The following LCOR variants were observed in gnomAD, a reference collection of about 807,000 sequenced individuals.
LCOR encodes ligand-dependent corepressor.
A neutral mutation model predicts 64.4 loss-of-function variants in LCOR; 14 were observed. That is an observed-to-expected ratio of 0.22 (90% CI 0.14 to 0.34). The LOEUF (loss-of-function observed/expected upper bound fraction) is 0.34, where lower values mean the gene tolerates loss of function less well. Among genes scored for constraint, LCOR ranks in the 10% least tolerant of loss-of-function variants. LCOR has a pLI of 1.00. For missense variants in LCOR, 1,686 were observed against 1,765.3 expected, an observed-to-expected ratio of 0.96 and a Z score of 0.80; for synonymous variants, 643 against 642.5, an observed-to-expected ratio of 1.00 and a Z score of -0.01.
At chr10:96,897,824 T>C (rs191215798) in intron 2 of LCOR, among the ~76,000 whole-genome samples, 68 of 152,056 alleles carry the variant, frequency 4.5e-4, no homozygotes, top group African/African-American at 1.6e-3. Context: ...GGTTTTAGTC[T>C]ATAGATACAG....
intron 2 of LCOR, among the ~76,000 whole-genome samples, chr10:96,897,066 AG>A (rs1358151373): frequency 1.9e-4 from 28 of 148,446 alleles, no homozygotes; most frequent in African/African-American, 5.8e-4. Context: ...AGAGAGAGAG[AG>A]AGAGAGAAAG....
At chr10:96,894,404 T>TGA (rs1344429171) in intron 2 of LCOR, among the ~76,000 whole-genome samples, 1 of 151,962 alleles carries the variant, frequency 6.6e-6, no homozygotes, top group Non-Finnish European at 1.5e-5. Flanking sequence ...AGGAGCAAGG[T>TGA]GAAGAGAGGG....
chr10:96,956,863 T>C, intron 7 of LCOR: 2 of 985,014 alleles, frequency 2.0e-6, no homozygotes, highest in Non-Finnish European at 2.4e-6. Flanking sequence ...TGAATATCAT[T>C]GCAGCAACTA....
chr10:96,857,564 C>T (rs1845826255), intron 2 of LCOR, among the ~76,000 whole-genome samples: 1 of 152,138 alleles, frequency 6.6e-6, no homozygotes, highest in Non-Finnish European at 1.5e-5. Context: ...ATGATCTTGT[C>T]ACCTGCAGAA....
Position 96,982,115 on chromosome 10 carries a change from G to C in LCOR, c.1655G>C (p.Arg552Thr), listed in dbSNP as rs1184202098. 1 of 1,614,018 alleles carries C rather than the reference G, an allele frequency of 6.2e-7. No individual in the cohort carries two copies. The highest frequency in any genetic ancestry group is 8.5e-7 in the Non-Finnish European group (1 of 1,180,034). ...PKQTLTIPAP[R>T]HTVDVQLPRE... Reference sequence around the variant, plus strand: ...CAGACCCTTACAATTCCAGCCCCTAGACATACAGTAGATGTGCAGCTTCCC... The same window carrying C: ...CAGACCCTTACAATTCCAGCCCCTACACATACAGTAGATGTGCAGCTTCCC... The change falls in exon 8 of 8, where the codon AGA becomes ACA. Residue 552 changes from arginine (R) to threonine (T), a missense_variant. Coordinates refer to ENST00000421806, the MANE Select transcript of LCOR (RefSeq NM_001346516.2).
rs371440193 is a variant in LCOR, at chr10:96,885,117, T to C, written c.-329-22148T>C. Among the ~76,000 whole-genome samples, 166 of 152,360 alleles carry C rather than the reference T, an allele frequency of 1.1e-3. 3 individuals carry two copies. In the South Asian group the frequency reaches 0.033, roughly 30 times the overall value. ...TGGAAGTTTCCTGTAAATCTATTTA[T>C]AGACCTTTTGGGAAAATGCCATTAA... On this transcript the variant is annotated intron_variant, in intron 2 of 7. Transcript: ENST00000421806.
chr10:96,888,463 G>A (rs374725385), intron 2 of LCOR, among the ~76,000 whole-genome samples: 2 of 150,924 alleles, frequency 1.3e-5, no homozygotes, highest in Non-Finnish European at 2.9e-5. Context: ...CCACTACTGC[G>A]GGCATGAGAA....
intron 4 of LCOR, among the ~76,000 whole-genome samples, chr10:96,937,134 A>C (rs1464913017): frequency 6.6e-6 from 1 of 152,208 alleles, no homozygotes; most frequent in Non-Finnish European, 1.5e-5. Flanking sequence ...CCTTATAAGG[A>C]GAAAGAGACT....
intron 4 of LCOR, among the ~76,000 whole-genome samples, chr10:96,920,669 T>C (rs1455069141): frequency 1.5e-5 from 2 of 137,154 alleles, no homozygotes; most frequent in African/African-American, 6.4e-5. Context: ...TATGTATATA[T>C]GTATATATTC....
chr10:96,944,670 G>A (rs1201837589), intron 5 of LCOR, among the ~76,000 whole-genome samples: 1 of 150,508 alleles, frequency 6.6e-6, no homozygotes, highest in African/African-American at 2.4e-5. Flanking sequence ...AGATTTGTAA[G>A]CATTTTTTTC....
intron 2 of LCOR, among the ~76,000 whole-genome samples, chr10:96,841,568 C>G (rs948707077): frequency 1.3e-5 from 2 of 151,906 alleles, no homozygotes; most frequent in Non-Finnish European, 2.9e-5. Flanking sequence ...ACCATGTTGG[C>G]CAGGCTGGTC....
chr10:96,957,937 C>T (rs189140267), intron 7 of LCOR: 22 of 986,456 alleles, frequency 2.2e-5, no homozygotes, highest in Non-Finnish European at 2.3e-5. Context: ...TATGATTCTA[C>T]AATATTTTGT....
At chr10:96,879,075 C>G (rs1400848832) in intron 2 of LCOR, among the ~76,000 whole-genome samples, 2 of 152,176 alleles carry the variant, frequency 1.3e-5, no homozygotes, top group Non-Finnish European at 2.9e-5. Context: ...GGATTACAGT[C>G]TTGAGCCACC....
At chr10:96,949,865 A>G (rs1416112164) in intron 6 of LCOR, among the ~76,000 whole-genome samples, 1 of 152,228 alleles carries the variant, frequency 6.6e-6, no homozygotes, top group Non-Finnish European at 1.5e-5. Flanking sequence ...ACACACATCC[A>G]CTGACTAACT....
Position 96,984,760 on chromosome 10 carries a change from G to A in LCOR, c.4300G>A (p.Ala1434Thr), listed in dbSNP as rs377754569. ...HADGATKTPAAKRPAARDRSS... is the reference protein window; with the variant it reads ...HADGATKTPATKRPAARDRSS... ...TGATGGAGCCACCAAAACCCCTGCTGCCAAGAGGCCAGCTGCAAGGGACAG... is the reference window on the plus strand; with the variant it reads ...TGATGGAGCCACCAAAACCCCTGCTACCAAGAGGCCAGCTGCAAGGGACAG... The change falls in exon 8 of 8, where the codon GCC becomes ACC. Residue 1434 changes from alanine to threonine, a missense_variant. Coordinates refer to ENST00000421806, the MANE Select transcript of LCOR (RefSeq NM_001346516.2). The A allele has an allele frequency of 2.5e-6, 4 of 1,613,566 alleles. No individual in the cohort carries two copies. The East Asian group carries it at 6.7e-5, about 27-fold the overall frequency.
rs1016093808 is a variant in LCOR, at chr10:96,994,957, G to A, written c.*9823G>A. The A allele has an allele frequency of 6.6e-6, 1 of 152,220 alleles. No homozygotes were observed. The highest frequency in any genetic ancestry group is 6.5e-5 in the Admixed American group (1 of 15,278). 9.4% of individuals were successfully genotyped at this position (152,220 alleles called of 1,614,324 possible). ...ATACTAAGAAATTCAACCCCAACCT[G>A]TATGAAAAGCACAGCCCAGGGCCCT... On this transcript the variant is annotated 3_prime_UTR_variant, in exon 8 of 8. Transcript: ENST00000421806.
At chr10:96,932,557 G>C (rs1209213897) in intron 4 of LCOR, among the ~76,000 whole-genome samples, 1 of 151,996 alleles carries the variant, frequency 6.6e-6, no homozygotes, top group Non-Finnish European at 1.5e-5. Flanking sequence ...TCCGCCTCCC[G>C]GGTTCAAGCA....
At chr10:96,865,059 A>G (rs376669013) in intron 2 of LCOR, among the ~76,000 whole-genome samples, 11 of 152,308 alleles carry the variant, frequency 7.2e-5, no homozygotes, top group African/African-American at 2.4e-4. Context: ...TTAATTAACT[A>G]TGGGAAGGAG....
At chr10:96,881,715 C>T (rs138586835) in intron 2 of LCOR, among the ~76,000 whole-genome samples, 63 of 152,250 alleles carry the variant, frequency 4.1e-4, no homozygotes, top group Non-Finnish European at 1.8e-4. Flanking sequence ...TCTCAGCCTC[C>T]CAAAGTGTTG....
Sources: gnomAD v4.1 joint callset for allele counts (sites outside exome capture counted in the v4.1 genomes callset) on GRCh38, gnomAD v4.1.1 for gene constraint, MANE v1.5 for transcripts, NCBI Gene and HGNC (gene_info 2026-07-23, HGNC 2026-07-21) for gene names.